The following NRG1 variants were observed in gnomAD, a reference collection of about 807,000 sequenced individuals.
NRG1 encodes pro-neuregulin-1, membrane-bound isoform.
In NRG1, 18 loss-of-function variants were observed where a neutral mutation model predicts 63.8. That is an observed-to-expected ratio of 0.28 (90% confidence interval 0.19 to 0.42). The LOEUF is 0.42. Among genes scored for constraint, NRG1 ranks in the 10% least tolerant of loss-of-function variants. The pLI is 1.00. For missense variants in NRG1, 762 were observed against 814.7 expected, an observed-to-expected ratio of 0.94 and a Z score of 0.79; for synonymous variants, 302 against 301.3, an observed-to-expected ratio of 1.00 and a Z score of -0.02.
At chr8:32,073,369 A>C (rs1004926518) in intron 1 of NRG1, among the ~76,000 whole-genome samples, 2 of 152,180 alleles carry the variant, frequency 1.3e-5, no homozygotes, top group Non-Finnish European at 2.9e-5. Flanking sequence ...GAGGATTACT[A>C]AACTTGGAGG....
At chr8:32,554,084 A>G (rs1266502237) in intron 1 of NRG1, among the ~76,000 whole-genome samples, 1 of 152,226 alleles carries the variant, frequency 6.6e-6, no homozygotes, top group Non-Finnish European at 1.5e-5. Context: ...CAAAGACGCA[A>G]ATGAATGAAC....
At chr8:32,693,449 C>T (rs1401488492) in intron 5 of NRG1, among the ~76,000 whole-genome samples, 1 of 151,528 alleles carries the variant, frequency 6.6e-6, no homozygotes, top group East Asian at 2.0e-4. Flanking sequence ...ATCTCCTGAC[C>T]TTGTGATCCG....
chr8:32,766,532 C>A (rs1831443287), exon 12 of NRG1: 1 of 152,142 alleles, frequency 6.6e-6, no homozygotes, highest in Non-Finnish European at 1.5e-5. Context: ...AAATTCCTAC[C>A]ATGAATTTAA....
intron 1 of NRG1, among the ~76,000 whole-genome samples, chr8:32,390,357 G>C (rs372664554): frequency 2.0e-5 from 3 of 152,186 alleles, no homozygotes; most frequent in East Asian, 3.9e-4. Flanking sequence ...GGCACAGCCA[G>C]GGCGAATGAA....
intron 1 of NRG1, among the ~76,000 whole-genome samples, chr8:32,044,913 C>CAAAAGA (rs1820708092): frequency 3.5e-5 from 2 of 57,120 alleles, no homozygotes; most frequent in African/African-American, 1.4e-4. Flanking sequence ...TAAAGAAAAG[C>CAAAAGA]AAAAAAAAAA....
At chr8:32,714,294 C>A (rs1818612552) in intron 5 of NRG1, among the ~76,000 whole-genome samples, 1 of 152,034 alleles carries the variant, frequency 6.6e-6, no homozygotes, top group African/African-American at 2.4e-5. Flanking sequence ...AAAATGAAAG[C>A]AGACAAATGA....
intron 1 of NRG1, among the ~76,000 whole-genome samples, chr8:31,899,594 A>G (rs1831900451): frequency 6.6e-6 from 1 of 152,152 alleles, no homozygotes; most frequent in African/African-American, 2.4e-5. Context: ...TTGGAATACC[A>G]GCTAATTTAT....
chr8:31,784,501 A>C (rs1021854651), intron 1 of NRG1, among the ~76,000 whole-genome samples: 1 of 152,206 alleles, frequency 6.6e-6, no homozygotes, highest in African/African-American at 2.4e-5. Flanking sequence ...GAATTTGCCG[A>C]GTTTCAATGC....
downstream of NRG1, among the ~76,000 whole-genome samples, chr8:32,768,631 G>T (rs929574602): frequency 1.1e-4 from 16 of 152,168 alleles, no homozygotes; most frequent in African/African-American, 3.9e-4. Context: ...CTGAGTCATA[G>T]AAATGAGGGT....
rs1240238833 is a variant in NRG1, at chr8:31,810,725, T to C, written c.37+171294T>C. ...TTTCTTAATAACATGTAACGCTGCC[T>C]GGTGTGACCAAGATAGGTTTGTTTG... On this transcript the variant is annotated intron_variant, in intron 1 of 10. Transcript: ENST00000519301. 2.0e-5 allele frequency among the ~76,000 whole-genome samples: 3 copies of C among 152,206 alleles called. No individual in the cohort carries two copies. In the South Asian group the frequency reaches 6.2e-4, roughly 31 times the overall value.
chr8:32,280,683 TTTTTTTTG>T (rs1377930355), intron 1 of NRG1, among the ~76,000 whole-genome samples: 19 of 97,168 alleles, frequency 2.0e-4, no homozygotes, highest in African/African-American at 5.4e-4. Flanking sequence ...GAATTAGGTT[TTTTTTTTG>T]TTTTTTTTTT....
chr8:32,311,456 T>G (rs1159672650), intron 1 of NRG1, among the ~76,000 whole-genome samples: 1 of 151,984 alleles, frequency 6.6e-6, no homozygotes, highest in Non-Finnish European at 1.5e-5. Context: ...GCACGGAGTG[T>G]CTGAGTTGGA....
intron 1 of NRG1, among the ~76,000 whole-genome samples, chr8:32,119,073 C>CA (rs1355440428): frequency 6.6e-6 from 1 of 152,070 alleles, no homozygotes. Flanking sequence ...TGGCCATACC[C>CA]AGCTTACAAG....
chr8:32,740,805 A>G (rs1397361384), intron 6 of NRG1, among the ~76,000 whole-genome samples: 1 of 152,170 alleles, frequency 6.6e-6, no homozygotes, highest in East Asian at 1.9e-4. Context: ...AACAAGGAAC[A>G]GTTTTGTTCA....
At chr8:32,231,505 G>A (rs1049371102) in intron 1 of NRG1, among the ~76,000 whole-genome samples, 1 of 152,106 alleles carries the variant, frequency 6.6e-6, no homozygotes, top group Non-Finnish European at 1.5e-5. Flanking sequence ...AATAATAATT[G>A]TGAATTAAAT....
At chr8:31,675,051 A>G (rs558306415) in intron 1 of NRG1, among the ~76,000 whole-genome samples, 141 of 152,334 alleles carry the variant, frequency 9.3e-4, no homozygotes, top group Non-Finnish European at 1.6e-3. Flanking sequence ...ATTAAAAGAA[A>G]TAAAAAAGTG....
intron 1 of NRG1, among the ~76,000 whole-genome samples, chr8:32,591,949 TAAAAAG>T (rs1842600116): frequency 6.6e-6 from 1 of 150,796 alleles, no homozygotes; most frequent in Non-Finnish European, 1.5e-5. Flanking sequence ...ATATAAAAGT[TAAAAAG>T]AAAAAAAAGA....
chr8:32,040,643 A>ATATG (rs1819798677), intron 1 of NRG1, among the ~76,000 whole-genome samples: 1 of 146,932 alleles, frequency 6.8e-6, no homozygotes, highest in African/African-American at 2.5e-5. Context: ...GTATGTATAT[A>ATATG]TATGTATGTA....
At chr8:32,587,362 A>G (rs1035229754) in intron 1 of NRG1, among the ~76,000 whole-genome samples, 1 of 152,228 alleles carries the variant, frequency 6.6e-6, no homozygotes, top group Non-Finnish European at 1.5e-5. Flanking sequence ...GGCAGGGTCC[A>G]GTTTGAGAGT....
Sources: gnomAD v4.1 joint callset for allele counts (sites outside exome capture counted in the v4.1 genomes callset) on GRCh38, gnomAD v4.1.1 for gene constraint, MANE v1.5 for transcripts, NCBI Gene and HGNC (gene_info 2026-07-23, HGNC 2026-07-21) for gene names.